Variants in GPC4 observed in about 807,000 individuals in gnomAD.
GPC4 encodes the protein glypican-4.
GPC4 carries 10 observed loss-of-function variants against 35.0 expected under a neutral mutation model. That is an observed-to-expected ratio of 0.29 (90% CI 0.18 to 0.48). The LOEUF (loss-of-function observed/expected upper bound fraction) is 0.48. Among genes scored for constraint, GPC4 ranks in the 20% least tolerant of loss-of-function variants. The pLI, the probability that GPC4 is intolerant of heterozygous loss-of-function variation, is 0.99. For synonymous variants in GPC4, 167 were observed against 170.2 expected (o/e 0.98, Z 0.15); for missense variants, 322 against 451.3 (o/e 0.71, Z 2.60).
chrX:133,331,381 C>T (rs1057150720), intron 2 of GPC4, among the ~76,000 whole-genome samples: 14 of 111,795 alleles, frequency 1.3e-4, no homozygotes, highest in African/African-American at 3.3e-4. Flanking sequence ...TGCAAGTGTT[C>T]CATGTACTAA....
intron 3 of GPC4, among the ~76,000 whole-genome samples, chrX:133,314,185 T>C (rs1342087853): frequency 6.2e-5 from 7 of 112,354 alleles, no homozygotes; most frequent in Non-Finnish European, 1.3e-4. Flanking sequence ...AATTCCAATG[T>C]GGTACAGGAC....
Position 133,415,138 on chromosome X carries a change from A to G in GPC4, c.-173T>C. 2.1e-6 allele frequency: 1 copy of G among 467,310 alleles called. No individual in the cohort carries two copies. Among genetic ancestry groups the G allele is most frequent in the Non-Finnish European group, 3.5e-6 (1 of 283,324 alleles). The allele number at this position is 467,310 out of a possible 1,213,427, so 38.5% of individuals were successfully genotyped here. A position where few individuals can be genotyped will look rare whatever the true frequency, so the allele number is the denominator to read the frequency against. ...GGAGGAGACGCGGGGCGAAAAGTAGAGCTGGGCCTCGCGTCAGGCAACGGT... is the reference window on the plus strand; with the variant it reads ...GGAGGAGACGCGGGGCGAAAAGTAGGGCTGGGCCTCGCGTCAGGCAACGGT... On this transcript the variant is annotated 5_prime_UTR_variant, in exon 1 of 9. Coordinates refer to ENST00000370828, the MANE Select transcript of GPC4 (RefSeq NM_001448.3).
In GPC4 at chrX:133,301,004, T is replaced by TA. The variant is rs1165591198; in HGVS notation, c.*1862_*1863insT. ...TCAATTTTATGTCTTCTGATTTGTTTTAAAAAAAAAACCACTTATACACAC... is the reference window on the plus strand; with the variant it reads ...TCAATTTTATGTCTTCTGATTTGTTTATAAAAAAAAAACCACTTATACACAC... On this transcript the variant is annotated 3_prime_UTR_variant, in exon 9 of 9. Coordinates refer to ENST00000370828, the MANE Select transcript of GPC4 (RefSeq NM_001448.3). 1 of 111,349 alleles carries TA rather than the reference T, an allele frequency of 9.0e-6. No individual in the cohort carries two copies. Among genetic ancestry groups the TA allele is most frequent in the African/African-American group, 3.3e-5 (1 of 30,470 alleles). The allele number at this position is 111,349 out of a possible 1,213,427, so 9.2% of individuals were successfully genotyped here.
At chrX:133,363,974 G>C (rs1312780491) in intron 1 of GPC4, among the ~76,000 whole-genome samples, 2 of 111,930 alleles carry the variant, frequency 1.8e-5, no homozygotes, top group Non-Finnish European at 3.8e-5. Flanking sequence ...ATAAAACATA[G>C]TGTTCCAAGG....
chrX:133,368,232 T>C (rs765571254), intron 1 of GPC4, among the ~76,000 whole-genome samples: 3 of 112,794 alleles, frequency 2.7e-5, no homozygotes, highest in African/African-American at 6.4e-5. Context: ...TTGTGAATCA[T>C]CTTAAAACAC....
intron 1 of GPC4, among the ~76,000 whole-genome samples, chrX:133,406,825 A>G (rs1232802071): frequency 9.3e-6 from 1 of 108,023 alleles, no homozygotes; most frequent in Non-Finnish European, 1.9e-5. Context: ...CTGTAATACC[A>G]ATACTTTGGG....
intron 1 of GPC4, among the ~76,000 whole-genome samples, chrX:133,368,501 A>G (rs2124157161): frequency 2.7e-5 from 3 of 111,619 alleles, no homozygotes; most frequent in African/African-American, 9.8e-5. Flanking sequence ...CCATTTTTCT[A>G]TGTGTTTTGT....
chrX:133,323,097 G>A (rs755223038), intron 3 of GPC4, among the ~76,000 whole-genome samples: 12 of 111,362 alleles, frequency 1.1e-4, no homozygotes, highest in African/African-American at 3.6e-4. Flanking sequence ...GGGAGATAAA[G>A]GCACAGTTGC....
chrX:133,324,476 G>A lies in GPC4; in HGVS notation c.380C>T (p.Thr127Ile). The A allele has an allele frequency of 8.4e-7, 1 of 1,193,755 alleles. No individual in the cohort carries two copies. Among genetic ancestry groups the A allele is most frequent in the Non-Finnish European group, 1.1e-6 (1 of 887,465 alleles). Residue 127 changes from threonine to isoleucine, a missense_variant, in exon 3 of 9, where the codon ACA becomes ATA. Around this residue, in one of 3 missense-constraint regions of GPC4, gnomAD observed 163 missense variants for 277.2 expected, o/e 0.59. Coordinates refer to ENST00000370828, the MANE Select transcript of GPC4 (RefSeq NM_001448.3). ...ATTTTGCATGTATAAATGGCCATAT[G>A]TCTTCACAAACATATCATTCAGGGA... ...EKSLNDMFVKTYGHLYMQNSE... is the reference protein window; with the variant it reads ...EKSLNDMFVKIYGHLYMQNSE...
intron 1 of GPC4, among the ~76,000 whole-genome samples, chrX:133,371,443 CACAT>C (rs1196691330): frequency 8.9e-6 from 1 of 112,050 alleles, no homozygotes; most frequent in Non-Finnish European, 1.9e-5. Flanking sequence ...CTTAAAAACT[CACAT>C]ACACATATAT....
At chrX:133,376,255 G>C (rs1297038904) in intron 1 of GPC4, among the ~76,000 whole-genome samples, 1 of 112,154 alleles carries the variant, frequency 8.9e-6, no homozygotes, top group Non-Finnish European at 1.9e-5. Context: ...TGTGTATGTT[G>C]GGGAGGGAGG....
intron 7 of GPC4, among the ~76,000 whole-genome samples, chrX:133,303,917 G>GGAAC (rs1286723437): frequency 1.9e-5 from 2 of 103,833 alleles, no homozygotes; most frequent in African/African-American, 7.1e-5. Context: ...AAGGAAGGAA[G>GGAAC]GAAGGAAGGA....
intron 1 of GPC4, among the ~76,000 whole-genome samples, chrX:133,377,253 C>A (rs1389328860): frequency 9.0e-6 from 1 of 111,710 alleles, no homozygotes; most frequent in Non-Finnish European, 1.9e-5. Context: ...GGCCCTGGAG[C>A]CCAGAGCCTA....
intron 1 of GPC4, among the ~76,000 whole-genome samples, chrX:133,348,032 T>G (rs2068500932): frequency 8.9e-6 from 1 of 112,268 alleles, no homozygotes; most frequent in Non-Finnish European, 1.9e-5. Flanking sequence ...TTTTATTATA[T>G]TTTTCTAAGA....
At chrX:133,385,025 A>T (rs1334452056) in intron 1 of GPC4, among the ~76,000 whole-genome samples, 1 of 112,056 alleles carries the variant, frequency 8.9e-6, no homozygotes, top group South Asian at 3.7e-4. Flanking sequence ...AAAAATATTA[A>T]AATGCATCTT....
chrX:133,397,842 C>T (rs1336548693), intron 1 of GPC4, among the ~76,000 whole-genome samples: 1 of 111,888 alleles, frequency 8.9e-6, no homozygotes, highest in African/African-American at 3.2e-5. Flanking sequence ...GGGCAGATCA[C>T]CTGAGCTCAG....
At chrX:133,402,390 G>C (rs1266845468) in intron 1 of GPC4, among the ~76,000 whole-genome samples, 3 of 112,339 alleles carry the variant, frequency 2.7e-5, no homozygotes, top group Non-Finnish European at 5.6e-5. Context: ...AGCCTGCTCT[G>C]GTAGGCAGAA....
chrX:133,353,251 T>C (rs2068524748), intron 1 of GPC4, among the ~76,000 whole-genome samples: 1 of 111,792 alleles, frequency 8.9e-6, no homozygotes, highest in Admixed American at 9.5e-5. Context: ...CCATTTTTGC[T>C]TTGGGTATGA....
intron 1 of GPC4, among the ~76,000 whole-genome samples, chrX:133,385,695 GC>G (rs1277450528): frequency 9.0e-6 from 1 of 111,418 alleles, no homozygotes; most frequent in African/African-American, 3.3e-5. Flanking sequence ...AAAGTTCCTG[GC>G]CCCAAGCTTA....
Sources: gnomAD v4.1 joint callset for allele counts (sites outside exome capture counted in the v4.1 genomes callset) on GRCh38, gnomAD v4.1.1 for gene constraint, gnomAD v4.1.1 regional missense constraint, MANE v1.5 for transcripts, NCBI Gene and HGNC (gene_info 2026-07-23, HGNC 2026-07-21) for gene names.